Variants in WDPCP observed in about 807,000 individuals in gnomAD.
WDPCP encodes WD repeat-containing and planar cell polarity effector protein fritz homolog.
A neutral mutation model predicts 93.1 loss-of-function variants in WDPCP; 71 were observed. That is an observed-to-expected ratio of 0.76 (90% confidence interval 0.63 to 0.93). WDPCP has a LOEUF of 0.93. Among genes scored for constraint, WDPCP ranks in the 40% least tolerant of loss-of-function variants. WDPCP has a pLI of 0.00. For missense variants in WDPCP, 844 were observed against 887.4 expected (o/e 0.95, Z 0.62); for synonymous variants, 315 against 315.0 (o/e 1.00, Z 0.00).
chr2:63,250,220 T>C (rs1467492188), intron 14 of WDPCP, among the ~76,000 whole-genome samples: 3 of 152,154 alleles, frequency 2.0e-5, no homozygotes, highest in Non-Finnish European at 4.4e-5. Flanking sequence ...TTAACCAAGA[T>C]GGCTGCTAAG....
chr2:63,474,832 T>A (rs933286222), intron 6 of WDPCP, among the ~76,000 whole-genome samples: 2 of 152,166 alleles, frequency 1.3e-5, no homozygotes, highest in African/African-American at 2.4e-5. Flanking sequence ...ATGTACAGTA[T>A]ATGTATATCA....
chr2:63,732,181 G>A (rs1464691945), intron 2 of WDPCP, among the ~76,000 whole-genome samples: 1 of 152,240 alleles, frequency 6.6e-6, no homozygotes, highest in Non-Finnish European at 1.5e-5. Flanking sequence ...TGCAATCATA[G>A]CTTTCAAGGC....
At chr2:63,529,316 G>A (rs907577299) in intron 1 of WDPCP, among the ~76,000 whole-genome samples, 1 of 152,188 alleles carries the variant, frequency 6.6e-6, no homozygotes, top group Non-Finnish European at 1.5e-5. Context: ...AATGCTTCCA[G>A]TTTTTGCCCA....
chr2:63,237,518 G>A (rs1679504461), intron 14 of WDPCP, among the ~76,000 whole-genome samples: 1 of 151,978 alleles, frequency 6.6e-6, no homozygotes, highest in African/African-American at 2.4e-5. Flanking sequence ...AAAGATACCC[G>A]GCCTTGTAAG....
At chr2:63,556,454 A>C (rs1050241192) in intron 1 of WDPCP, among the ~76,000 whole-genome samples, 1 of 152,188 alleles carries the variant, frequency 6.6e-6, no homozygotes, top group East Asian at 1.9e-4. Context: ...AATGTCCCCA[A>C]ACTAGCAAAG....
At chr2:63,422,985 G>A (rs951789864) in intron 9 of WDPCP, among the ~76,000 whole-genome samples, 8 of 152,156 alleles carry the variant, frequency 5.3e-5, no homozygotes, top group African/African-American at 1.2e-4. Flanking sequence ...ATGCACACTC[G>A]GTGATAAAAG....
chr2:63,588,046 A>G (rs1708991233), intron 1 of WDPCP, 151 bp downstream of exon 1: 1 of 941,256 alleles, frequency 1.1e-6, no homozygotes, highest in African/African-American at 1.6e-5. Context: ...AAATAGCTGC[A>G]TTCCCACAGC....
chr2:63,733,054 T>C (rs1390625308), intron 2 of WDPCP, among the ~76,000 whole-genome samples: 1 of 152,192 alleles, frequency 6.6e-6, no homozygotes, highest in Non-Finnish European at 1.5e-5. Context: ...ATAAAACTTT[T>C]CTGTTTTGAT....
intron 1 of WDPCP, among the ~76,000 whole-genome samples, chr2:63,550,767 A>G (rs1705566359): frequency 7.9e-6 from 1 of 126,394 alleles, no homozygotes; most frequent in African/African-American, 3.2e-5. Flanking sequence ...ATACACATAT[A>G]TATGTGCATA....
chr2:63,364,530 C>T (rs1690741659), intron 12 of WDPCP, among the ~76,000 whole-genome samples: 1 of 152,112 alleles, frequency 6.6e-6, no homozygotes. Flanking sequence ...TCTTTATTCC[C>T]TGCCTGTCAC....
At chr2:63,597,301 C>A (rs977511709) in intron 3 of WDPCP, 248 of 1,273,076 alleles carry the variant, frequency 1.9e-4, no homozygotes, top group Non-Finnish European at 2.4e-4. Context: ...TAAACACTTG[C>A]AACAAGTGAA....
chr2:63,825,133 C>G (rs1671093571), intron 1 of WDPCP, among the ~76,000 whole-genome samples: 1 of 152,206 alleles, frequency 6.6e-6, no homozygotes, highest in East Asian at 1.9e-4. Flanking sequence ...TTCAGTCTCA[C>G]TAATAAATGC....
intron 14 of WDPCP, among the ~76,000 whole-genome samples, chr2:63,214,774 G>T (rs181220025): frequency 1.1e-4 from 16 of 152,280 alleles, no homozygotes; most frequent in African/African-American, 3.1e-4. Context: ...CATCAGCAAA[G>T]TCTCAGGATA....
chr2:63,769,466 G>GT (rs969901368), intron 2 of WDPCP, among the ~76,000 whole-genome samples: 1 of 151,932 alleles, frequency 6.6e-6, no homozygotes, highest in African/African-American at 2.4e-5. Context: ...AATATAATTA[G>GT]TTTTTTCAAG....
intron 2 of WDPCP, among the ~76,000 whole-genome samples, chr2:63,651,468 C>CAT (rs1710108660): frequency 2.7e-5 from 4 of 150,452 alleles, no homozygotes; most frequent in African/African-American, 1.0e-4. Flanking sequence ...CACACACACA[C>CAT]ACACAGAGAG....
intron 14 of WDPCP, among the ~76,000 whole-genome samples, chr2:63,219,449 A>G (rs1461708341): frequency 1.3e-5 from 2 of 152,242 alleles, no homozygotes; most frequent in Admixed American, 6.5e-5. Context: ...CCATGCAACC[A>G]TATCAGTGTT....
At chr2:63,639,047 C>G (rs965466332) in intron 3 of WDPCP, among the ~76,000 whole-genome samples, 1 of 152,148 alleles carries the variant, frequency 6.6e-6, no homozygotes, top group African/African-American at 2.4e-5. Flanking sequence ...TCTTAAAAAA[C>G]ACAATTCATC....
chr2:63,678,459 A>T lies in WDPCP; in HGVS notation n.309-27621T>A, dbSNP rs567936743. On this transcript the variant is annotated intron_variant and non_coding_transcript_variant, in intron 2 of 4. Coordinates refer to the WDPCP transcript ENST00000467687. ...GATTTATCTTTCCAGCCTCTAATGC[A>T]CAGGAAGACAAAAGGGAATGGGGCA... Among the ~76,000 whole-genome samples, 5 of 152,350 alleles carry T rather than the reference A, an allele frequency of 3.3e-5. No homozygotes were observed. The South Asian group carries it at 1.0e-3, about 32-fold the overall frequency.
intron 3 of WDPCP, among the ~76,000 whole-genome samples, chr2:63,650,209 C>T (rs1341159752): frequency 6.6e-6 from 1 of 152,238 alleles, no homozygotes; most frequent in East Asian, 1.9e-4. Context: ...TAGCTTGAGT[C>T]AGTCACCTGG....
Sources: allele counts gnomAD v4.1 joint callset (sites outside exome capture counted in the v4.1 genomes callset), GRCh38; gene constraint gnomAD v4.1.1; transcripts MANE v1.5; gene names NCBI Gene and HGNC (gene_info 2026-07-23, HGNC 2026-07-21).